The following CTXND1 variants were observed in gnomAD, a reference collection of about 807,000 sequenced individuals.
CTXND1 encodes cortexin domain-containing 1 protein.
At chr15:80,224,132 C>T (rs1235667958) in intron 1 of CTXND1, among the ~76,000 whole-genome samples, 1 of 152,118 alleles carries the variant, frequency 6.6e-6, no homozygotes, top group Admixed American at 6.5e-5. Context: ...AGAGGGATGC[C>T]TGAGGAACCC....
chr15:80,233,600 C>A (rs1005591729), intron 1 of CTXND1, among the ~76,000 whole-genome samples: 1 of 152,088 alleles, frequency 6.6e-6, no homozygotes, highest in Non-Finnish European at 1.5e-5. Context: ...ATTCTTCCTC[C>A]CTGAACAAAG....
intron 1 of CTXND1, among the ~76,000 whole-genome samples, chr15:80,234,807 C>T (rs1168565216): frequency 6.6e-6 from 1 of 152,162 alleles, no homozygotes; most frequent in African/African-American, 2.4e-5. Context: ...GGGCTGTCTT[C>T]CATCGCCTGT....
At chr15:80,243,566 G>A (rs1893594157) in intron 1 of CTXND1, among the ~76,000 whole-genome samples, 1 of 152,128 alleles carries the variant, frequency 6.6e-6, no homozygotes, top group African/African-American at 2.4e-5. Context: ...GGCTAGGCAG[G>A]TAGCAACACA....
intron 1 of CTXND1, among the ~76,000 whole-genome samples, chr15:80,246,309 G>A (rs1189970635): frequency 6.6e-6 from 1 of 152,242 alleles, no homozygotes; most frequent in Non-Finnish European, 1.5e-5. Context: ...ACTTCCTAGT[G>A]TATAGGTTGA....
intron 1 of CTXND1, among the ~76,000 whole-genome samples, chr15:80,213,952 T>G (rs759425274): frequency 2.1e-4 from 18 of 83,774 alleles, no homozygotes; most frequent in Non-Finnish European, 3.9e-4. Context: ...CGAATCAAAG[T>G]GAATAAATGA....
chr15:80,241,898 AATG>A (rs2141464334), intron 1 of CTXND1, among the ~76,000 whole-genome samples: 2 of 152,296 alleles, frequency 1.3e-5, no homozygotes, highest in East Asian at 3.9e-4. Context: ...ACATATGCAA[AATG>A]ATAAGCCCTT....
rs190063097 is a variant in CTXND1 at position 80,246,479 on chromosome 15, G to T, written c.-218+5528C>A. 6.4e-4 allele frequency among the ~76,000 whole-genome samples: 97 copies of T among 152,342 alleles called. 1 individual carries two copies. Among genetic ancestry groups the T allele is most frequent in the African/African-American group, 2.3e-3 (94 of 41,588 alleles). ...CTGGACAGGGAAGCTTTGGCTACTG[G>T]CAGTGCTGACAGCCGACTGCGTCAT... On this transcript the variant is annotated intron_variant, in intron 1 of 2. Coordinates refer to ENST00000560778, the MANE Select transcript of CTXND1 (RefSeq NM_001352888.2).
chr15:80,219,802 T>G, intron 1 of CTXND1, among the ~76,000 whole-genome samples: 1 of 152,202 alleles, frequency 6.6e-6, no homozygotes, highest in East Asian at 1.9e-4. Context: ...TTTTATAATT[T>G]TATTGGGCAT....
At chr15:80,214,585 C>G (rs1893233073) in intron 1 of CTXND1, among the ~76,000 whole-genome samples, 1 of 152,068 alleles carries the variant, frequency 6.6e-6, no homozygotes, top group African/African-American at 2.4e-5. Context: ...TAGAAAATTA[C>G]TATAATAAGA....
intron 1 of CTXND1, among the ~76,000 whole-genome samples, chr15:80,248,472 C>T (rs1893659122): frequency 6.6e-6 from 1 of 152,180 alleles, no homozygotes; most frequent in Non-Finnish European, 1.5e-5. Flanking sequence ...CTTAAAACTC[C>T]TCAATCTCTC....
chr15:80,216,158 A>G (rs1213876828), intron 1 of CTXND1, among the ~76,000 whole-genome samples: 1 of 152,176 alleles, frequency 6.6e-6, no homozygotes, highest in Non-Finnish European at 1.5e-5. Flanking sequence ...AACTCTGAAG[A>G]TCATGTCCCC....
chr15:80,210,866 G>A lies in CTXND1; in HGVS notation c.-217-7126C>T, dbSNP rs139518933. Among the ~76,000 whole-genome samples, 224 of 152,296 alleles carry A rather than the reference G, an allele frequency of 1.5e-3. 2 individuals are homozygous for A. The highest frequency in any genetic ancestry group is 4.9e-3 in the African/African-American group (202 of 41,556). On this transcript the variant is annotated intron_variant, in intron 1 of 2. Coordinates refer to ENST00000560778, the MANE Select transcript of CTXND1 (RefSeq NM_001352888.2). Reference sequence around the variant, plus strand: ...AGGGCTCTCTTCCTGGCCTGCAGACGGCTGTCTTCTCACTGTGTGCCCACA... The same window carrying A: ...AGGGCTCTCTTCCTGGCCTGCAGACAGCTGTCTTCTCACTGTGTGCCCACA...
At chr15:80,238,722 G>A (rs1387306387) in intron 1 of CTXND1, among the ~76,000 whole-genome samples, 4 of 152,064 alleles carry the variant, frequency 2.6e-5, no homozygotes, top group African/African-American at 7.2e-5. Context: ...TGATCCACCC[G>A]CCTTGGCCTC....
chr15:80,210,724 C>G (rs570924089), intron 1 of CTXND1, among the ~76,000 whole-genome samples: 13 of 152,362 alleles, frequency 8.5e-5, no homozygotes, highest in African/African-American at 3.1e-4. Context: ...TTAGTCCGCT[C>G]AGGCTGCCAT....
At chr15:80,218,508 CT>C (rs1189242034) in intron 1 of CTXND1, among the ~76,000 whole-genome samples, 2 of 152,132 alleles carry the variant, frequency 1.3e-5, no homozygotes, top group African/African-American at 2.4e-5. Flanking sequence ...CCAGAACTTT[CT>C]GCATTTTGTT....
intron 1 of CTXND1, among the ~76,000 whole-genome samples, chr15:80,204,170 ATAT>A (rs1478270973): frequency 0.065 from 2,562 of 39,272 alleles, 193 homozygotes; most frequent in Admixed American, 0.094. Context: ...AAAAAAAAAA[ATAT>A]ATATATATAT....
At chr15:80,242,595 G>T (rs1318928259) in intron 1 of CTXND1, among the ~76,000 whole-genome samples, 4 of 152,242 alleles carry the variant, frequency 2.6e-5, no homozygotes, top group Middle Eastern at 3.2e-3. Flanking sequence ...ACAACACGGG[G>T]CCCTCTGGTA....
At chr15:80,217,787 T>C (rs868058815) in intron 1 of CTXND1, among the ~76,000 whole-genome samples, 10 of 152,182 alleles carry the variant, frequency 6.6e-5, no homozygotes, top group South Asian at 4.1e-4. Flanking sequence ...GCTCGAGCAA[T>C]CTGCCTACCT....
intron 1 of CTXND1, among the ~76,000 whole-genome samples, chr15:80,243,608 T>A (rs558531464): frequency 1.2e-4 from 18 of 152,236 alleles, no homozygotes; most frequent in Middle Eastern, 6.8e-3. Context: ...ACCATCGTCA[T>A]TTTCCCTCCT....
Sources: gnomAD v4.1 joint callset for allele counts (sites outside exome capture counted in the v4.1 genomes callset) on GRCh38, gnomAD v4.1.1 for gene constraint, MANE v1.5 for transcripts, NCBI Gene and HGNC (gene_info 2026-07-23, HGNC 2026-07-21) for gene names.